Variants in SNX27 observed in about 807,000 individuals in gnomAD.
SNX27 encodes the protein sorting nexin 27, also known as sorting nexin-27.
SNX27 carries 22 observed loss-of-function variants against 71.6 expected under a neutral mutation model. The ratio of observed to expected loss-of-function variants is 0.31; its 90% confidence interval spans 0.22 to 0.44. The LOEUF is 0.44. Among genes scored for constraint, SNX27 ranks in the 20% least tolerant of loss-of-function variants. The pLI is 1.00. For missense variants in SNX27, 531 were observed against 698.6 expected (o/e 0.76, Z 2.70); for synonymous variants, 269 against 277.2 (o/e 0.97, Z 0.29).
intron 6 of SNX27, 89 bp from the exon 7 acceptor site, chr1:151,668,383 A>G: frequency 1.7e-6 from 2 of 1,205,750 alleles, no homozygotes; most frequent in Non-Finnish European, 2.3e-6. Context: ...ATGATAACAT[A>G]CCATTCTTGA....
At chr1:151,641,651 CAT>C (rs1436519647) in intron 2 of SNX27, among the ~76,000 whole-genome samples, 5 of 110,018 alleles carry the variant, frequency 4.5e-5, no homozygotes, top group African/African-American at 1.0e-4. Flanking sequence ...ATATATATAT[CAT>C]ATGTATCAGA....
chr1:151,615,773 G>A lies in SNX27; in HGVS notation c.311+3261G>A, dbSNP rs59880767. On this transcript the variant is annotated intron_variant, in intron 1 of 11. Coordinates refer to ENST00000458013, the MANE Select transcript of SNX27 (RefSeq NM_001330723.2). ...ACAAATTGTTTTTGTAACAATTTTCGTATTTTTCAGTTGTTTGGACAACTG... is the reference window on the plus strand; with the variant it reads ...ACAAATTGTTTTTGTAACAATTTTCATATTTTTCAGTTGTTTGGACAACTG... 4.8e-3 allele frequency: 4,714 copies of A among 984,438 alleles called. 175 individuals carry two copies. The African/African-American group carries it at 0.077, about 16-fold the overall frequency. The allele number at this position is 984,438 out of a possible 1,614,324, so 61.0% of individuals were successfully genotyped here. A position where few individuals can be genotyped will look rare whatever the true frequency, so the allele number is the denominator to read the frequency against.
Position 151,695,012 on chromosome 1 carries a change from C to T in SNX27, c.*595C>T, listed in dbSNP as rs1671635893. The T allele has an allele frequency of 6.6e-6, 1 of 152,574 alleles. No homozygotes were observed. The highest frequency in any genetic ancestry group is 2.4e-5 in the African/African-American group (1 of 41,426). 9.5% of individuals were successfully genotyped at this position (152,574 alleles called of 1,614,324 possible). Reference sequence around the variant, plus strand: ...GAAAAATACCTCTCCTCATGAAGGACTTGAAAAGTTTACAACCTGCTTGGA... The same window carrying T: ...GAAAAATACCTCTCCTCATGAAGGATTTGAAAAGTTTACAACCTGCTTGGA... On this transcript the variant is annotated 3_prime_UTR_variant, in exon 12 of 12. Coordinates refer to ENST00000458013, the MANE Select transcript of SNX27 (RefSeq NM_001330723.2).
intron 2 of SNX27, among the ~76,000 whole-genome samples, chr1:151,649,542 C>T (rs1374366546): frequency 6.6e-6 from 1 of 152,166 alleles, no homozygotes; most frequent in Non-Finnish European, 1.5e-5. Flanking sequence ...GTGGTCATAC[C>T]ACTCCACTCC....
intron 2 of SNX27, among the ~76,000 whole-genome samples, chr1:151,651,632 TC>T (rs1404604233): frequency 6.7e-6 from 1 of 148,410 alleles, no homozygotes; most frequent in Non-Finnish European, 1.5e-5. Context: ...GCTCCCCACA[TC>T]TCAGACGATG....
At chr1:151,668,444 A>G in intron 6 of SNX27, 28 bp from the exon 7 acceptor site, 1 of 1,595,620 alleles carries the variant, frequency 6.3e-7, no homozygotes, top group Non-Finnish European at 8.5e-7. Context: ...TTTTCACTCC[A>G]GCTTTCTGTG....
intron 2 of SNX27, among the ~76,000 whole-genome samples, chr1:151,649,196 G>A (rs11204866): frequency 0.52 from 79,220 of 151,730 alleles, 23,291 homozygotes; most frequent in Non-Finnish European, 0.68. Context: ...TCCTGACCTC[G>A]TGATCCACCC....
Position 151,695,187 on chromosome 1 carries a change from G to C in SNX27, c.*770G>C, listed in dbSNP as rs545503904. 27 of 152,660 alleles carry C rather than the reference G, an allele frequency of 1.8e-4. No homozygotes were observed. The highest frequency in any genetic ancestry group is 1.7e-3 in the Admixed American group (26 of 15,290). 9.5% of individuals were successfully genotyped at this position (152,660 alleles called of 1,614,324 possible). ...CTCAAGGTTAACAGGCTGTAGTTCT[G>C]CAGGGAGAGCCTGAAGTCCTGGTAT... On this transcript the variant is annotated 3_prime_UTR_variant, in exon 12 of 12. Coordinates refer to ENST00000458013, the MANE Select transcript of SNX27 (RefSeq NM_001330723.2).
chr1:151,627,064 A>G (rs947929462), intron 1 of SNX27, among the ~76,000 whole-genome samples: 2 of 152,192 alleles, frequency 1.3e-5, no homozygotes, highest in Non-Finnish European at 2.9e-5. Flanking sequence ...CTGACAGCAA[A>G]GAAATTTGTG....
chr1:151,674,611 C>A (rs1300130249), intron 7 of SNX27, among the ~76,000 whole-genome samples: 1 of 151,410 alleles, frequency 6.6e-6, no homozygotes, highest in Non-Finnish European at 1.5e-5. Context: ...CTAGCCAAAT[C>A]ACTAGTCTTC....
rs745875154 is a variant in SNX27, at chr1:151,665,961, G to A, written c.935G>A (p.Ser312Asn). 8 of 1,608,518 alleles carry A rather than the reference G, an allele frequency of 5.0e-6. No homozygotes were observed. Among genetic ancestry groups the A allele is most frequent in the Non-Finnish European group, 2.5e-6 (3 of 1,176,644 alleles). Residue 312 changes from serine to asparagine, a missense_variant, in exon 6 of 12, where the codon AGT becomes AAT. By Grantham distance (46) the Ser-to-Asn change is conservative. This residue lies in a region of SNX27 where 184 missense variants were observed against 289.6 expected (regional missense o/e 0.64). Transcript: ENST00000458013. ...ATCGCAGCAAAGGTTGGCATGGACA[G>A]TACGACAGTGAATTACTTTGCCTTA... ...QAIAAKVGMD[S>N]TTVNYFALFE...
At chr1:151,615,277 G>T (rs1667377206) in intron 1 of SNX27, among the ~76,000 whole-genome samples, 1 of 151,966 alleles carries the variant, frequency 6.6e-6, no homozygotes, top group African/African-American at 2.4e-5. Flanking sequence ...TACTATAGGG[G>T]AAGTAATGAT....
chr1:151,614,283 CTACA>C (rs1667331306), intron 1 of SNX27: 1 of 151,970 alleles, frequency 6.6e-6, no homozygotes, highest in Admixed American at 6.6e-5. Context: ...CATTAATGTC[CTACA>C]TACTGTTTCC....
intron 1 of SNX27, among the ~76,000 whole-genome samples, chr1:151,635,480 T>C (rs1324555995): frequency 1.3e-5 from 2 of 152,254 alleles, no homozygotes; most frequent in Non-Finnish European, 2.9e-5. Context: ...CATTAATTTA[T>C]GTCTTCAGAA....
chr1:151,644,991 G>A lies in SNX27; in HGVS notation c.543+5872G>A, dbSNP rs185541320. Among the ~76,000 whole-genome samples, 40 of 152,144 alleles carry A rather than the reference G, an allele frequency of 2.6e-4. No individual in the cohort carries two copies. In the East Asian group the frequency reaches 6.8e-3, roughly 26 times the overall value. ...ATTTTTGTATTTTTAGTAGAGATGAGGTTTTGCCATGTTGGCCAGGCTGGT... is the reference window on the plus strand; with the variant it reads ...ATTTTTGTATTTTTAGTAGAGATGAAGTTTTGCCATGTTGGCCAGGCTGGT... On this transcript the variant is annotated intron_variant, in intron 2 of 11. Transcript: ENST00000458013.
chr1:151,685,683 A>G (rs779132810), intron 8 of SNX27, among the ~76,000 whole-genome samples: 1 of 151,458 alleles, frequency 6.6e-6, no homozygotes, highest in Non-Finnish European at 1.5e-5. Context: ...CTCCGTCTCA[A>G]CAACAACAAC....
In SNX27 at chr1:151,630,065, C is replaced by G. The variant is rs190536861; in HGVS notation, c.312-8823C>G. On this transcript the variant is annotated intron_variant, in intron 1 of 11. Transcript: ENST00000458013. ...GGCGAAGGTTGTAGTGAGCCGAGAT[C>G]GCACCACTGCACTCCAGCCTGGGCG... 6.3e-3 allele frequency among the ~76,000 whole-genome samples: 943 copies of G among 150,642 alleles called. 8 individuals carry two copies. The highest frequency in any genetic ancestry group is 9.1e-3 in the Non-Finnish European group (614 of 67,778).
intron 1 of SNX27, among the ~76,000 whole-genome samples, chr1:151,618,643 A>G (rs1486449812): frequency 6.6e-6 from 1 of 152,240 alleles, no homozygotes; most frequent in African/African-American, 2.4e-5. Flanking sequence ...CCCATTGGGA[A>G]TAATTCTTAT....
At chr1:151,615,545 G>T in intron 1 of SNX27, 1 of 239,850 alleles carries the variant, frequency 4.2e-6, no homozygotes, top group Non-Finnish European at 6.7e-6. Flanking sequence ...TAGAGCTTTT[G>T]TCTGTCCTCC....
Sources: gnomAD v4.1 joint callset for allele counts (sites outside exome capture counted in the v4.1 genomes callset) on GRCh38, gnomAD v4.1.1 for gene constraint, gnomAD v4.1.1 regional missense constraint, MANE v1.5 for transcripts, NCBI Gene and HGNC (gene_info 2026-07-23, HGNC 2026-07-21) for gene names.